MED15: variants seen among roughly 807,000 people sequenced by gnomAD.
MED15 encodes mediator complex subunit 15.
MED15 carries 41 observed loss-of-function variants against 118.7 expected under a neutral mutation model. The ratio of observed to expected loss-of-function variants is 0.35; its 90% CI spans 0.27 to 0.45. The LOEUF (loss-of-function observed/expected upper bound fraction) is 0.45, where lower values mean the gene tolerates loss of function less well. Ranked by LOEUF, MED15 falls within the 20% of genes least tolerant of loss-of-function variation. MED15 has a pLI of 1.00. For missense variants in MED15, 740 were observed against 1,025.5 expected (o/e 0.72, Z 3.80); for synonymous variants, 436 against 413.9 (o/e 1.05, Z -0.65).
chr22:20,524,481 G>C (rs971566070), intron 1 of MED15: 4 of 152,256 alleles, frequency 2.6e-5, no homozygotes, highest in Non-Finnish European at 4.4e-5. Context: ...CTCTCAGATT[G>C]GTGGGGCTTG....
At chr22:20,527,880 G>A (rs544434978) in intron 1 of MED15, among the ~76,000 whole-genome samples, 36 of 151,088 alleles carry the variant, frequency 2.4e-4, no homozygotes, top group African/African-American at 7.8e-4. Context: ...TCACTTGAAC[G>A]TGGGAGGCAG....
chr22:20,512,536 C>T (rs1324680850), intron 1 of MED15, among the ~76,000 whole-genome samples: 1 of 150,318 alleles, frequency 6.7e-6, no homozygotes. Context: ...GTATACAAAA[C>T]ACTTGTTGAG....
intron 2 of MED15, among the ~76,000 whole-genome samples, chr22:20,545,718 G>A (rs2055505870): frequency 6.6e-6 from 1 of 152,100 alleles, no homozygotes; most frequent in Non-Finnish European, 1.5e-5. Context: ...TGCTGGGGCT[G>A]CCTTGTCCCT....
intron 1 of MED15, among the ~76,000 whole-genome samples, chr22:20,517,348 G>T (rs1470056608): frequency 1.3e-5 from 2 of 152,138 alleles, no homozygotes; most frequent in African/African-American, 4.8e-5. Flanking sequence ...CCAGTTCCTT[G>T]ACCTGTGCTC....
intron 4 of MED15, among the ~76,000 whole-genome samples, chr22:20,553,704 C>T (rs995775547): frequency 6.6e-5 from 10 of 152,080 alleles, no homozygotes; most frequent in African/African-American, 2.4e-4. Context: ...AAAACCCCAT[C>T]TCTACTAAAA....
intron 9 of MED15, among the ~76,000 whole-genome samples, chr22:20,575,778 A>ATC (rs2056807169): frequency 6.6e-6 from 1 of 150,656 alleles, no homozygotes; most frequent in Non-Finnish European, 1.5e-5. Flanking sequence ...CAAAAAAAAA[A>ATC]CCTAAAAGTC....
intron 1 of MED15, among the ~76,000 whole-genome samples, chr22:20,513,539 A>G (rs2054152739): frequency 6.6e-6 from 1 of 152,148 alleles, no homozygotes. Context: ...GGCCTCCCAA[A>G]GTGTTGGGAT....
chr22:20,538,070 TCA>T (rs1367500230), intron 2 of MED15, among the ~76,000 whole-genome samples: 2 of 152,242 alleles, frequency 1.3e-5, no homozygotes, highest in Non-Finnish European at 2.9e-5. Context: ...TTTAGGATAT[TCA>T]CAGAGTTGTG....
chr22:20,546,018 A>G (rs2055520637), intron 2 of MED15, among the ~76,000 whole-genome samples: 1 of 152,188 alleles, frequency 6.6e-6, no homozygotes, highest in Admixed American at 6.5e-5. Flanking sequence ...GGCCTGTGCT[A>G]GGGCCCCACC....
intron 2 of MED15, among the ~76,000 whole-genome samples, chr22:20,542,674 C>CTAT (rs1237053965): frequency 1.3e-5 from 2 of 152,204 alleles, no homozygotes; most frequent in African/African-American, 4.8e-5. Flanking sequence ...TTTTATCAGC[C>CTAT]TATTCCTGCT....
chr22:20,568,657 C>A, intron 8 of MED15, 26 bp downstream of exon 8: 1 of 1,607,222 alleles, frequency 6.2e-7, no homozygotes, highest in Non-Finnish European at 8.5e-7. Context: ...TGGAGGGCTC[C>A]ATAGTCATCA....
At chr22:20,560,174 A>G (rs1045251487) in intron 5 of MED15, among the ~76,000 whole-genome samples, 31 of 152,170 alleles carry the variant, frequency 2.0e-4, no homozygotes, top group African/African-American at 7.2e-4. Context: ...TCGCTGGTGT[A>G]AATAAAAATT....
chr22:20,511,446 C>G (rs2054060553), intron 1 of MED15, among the ~76,000 whole-genome samples: 1 of 151,178 alleles, frequency 6.6e-6, no homozygotes, highest in African/African-American at 2.4e-5. Context: ...GAGCTACGTT[C>G]ACACCACTGC....
In MED15 at chr22:20,584,836, G is replaced by T; in HGVS notation, c.1804-19G>T. 2 of 1,609,606 alleles carry T rather than the reference G, an allele frequency of 1.2e-6. No individual in the cohort carries two copies. The highest frequency in any genetic ancestry group is 8.5e-7 in the Non-Finnish European group (1 of 1,179,610). On this transcript the variant is annotated intron_variant, in intron 14 of 17. Transcript: ENST00000263205. ...ACCCTCGGGTCCCGGGCTGCTGACC[G>T]TGCCCATCCTGTCTCCAGCCCACTC...
chr22:20,583,319 T>TG lies in MED15; in HGVS notation c.1673-11_1673-10insG, dbSNP rs775950804. On this transcript the variant is annotated splice_polypyrimidine_tract_variant and intron_variant, in intron 12 of 17. Transcript: ENST00000263205. ...GGCTTGTGTCTTAGTGTGTACCCTC[T>TG]TCTGTCCCAGACAGAAAAAAGGACC... 12 of 1,613,442 alleles carry TG rather than the reference T, an allele frequency of 7.4e-6. No individual in the cohort carries two copies. In the East Asian group the frequency reaches 2.7e-4, roughly 36 times the overall value.
intron 2 of MED15, among the ~76,000 whole-genome samples, chr22:20,546,350 A>G (rs1216069381): frequency 6.6e-6 from 1 of 152,150 alleles, no homozygotes; most frequent in Non-Finnish European, 1.5e-5. Context: ...ATTTCTGGGC[A>G]TCTTGATATT....
chr22:20,538,743 A>G (rs1412943815), intron 2 of MED15, among the ~76,000 whole-genome samples: 1 of 152,000 alleles, frequency 6.6e-6, no homozygotes, highest in Non-Finnish European at 1.5e-5. Context: ...TCTTGTGCCC[A>G]GGTTGGAGTG....
chr22:20,515,743 G>A (rs560335624), intron 1 of MED15, among the ~76,000 whole-genome samples: 36 of 151,434 alleles, frequency 2.4e-4, no homozygotes, highest in Non-Finnish European at 5.3e-4. Context: ...CCAAGGTCGC[G>A]CCACTGCACT....
chr22:20,562,116 G>A (rs2056265876), intron 5 of MED15, among the ~76,000 whole-genome samples: 1 of 152,114 alleles, frequency 6.6e-6, no homozygotes, highest in Admixed American at 6.5e-5. Flanking sequence ...AGCCACGATG[G>A]AGACACTGCA....
Sources: gnomAD v4.1 joint callset for allele counts (sites outside exome capture counted in the v4.1 genomes callset) on GRCh38, gnomAD v4.1.1 for gene constraint, MANE v1.5 for transcripts, NCBI Gene and HGNC (gene_info 2026-07-23, HGNC 2026-07-21) for gene names.